Variants in TTC28 observed in about 807,000 individuals in gnomAD.
TTC28 encodes the protein tetratricopeptide repeat domain 28, also known as tetratricopeptide repeat protein 28.
TTC28 carries 61 observed loss-of-function variants against 198.0 expected under a neutral mutation model. That is an observed-to-expected ratio of 0.31 (90% CI 0.25 to 0.38). The LOEUF (loss-of-function observed/expected upper bound fraction) is 0.38, where lower values mean the gene tolerates loss of function less well. Ranked by LOEUF, TTC28 falls within the 10% of genes least tolerant of loss-of-function variation. TTC28 has a pLI of 1.00. For synonymous variants in TTC28, 1,171 were observed against 1,297.8 expected, an observed-to-expected ratio of 0.90 and a Z score of 2.10; for missense variants, 2,678 against 3,164.0, an observed-to-expected ratio of 0.85 and a Z score of 3.69.
intron 1 of TTC28, among the ~76,000 whole-genome samples, chr22:28,660,648 C>T (rs750640435): frequency 1.3e-5 from 2 of 152,146 alleles, no homozygotes; most frequent in Non-Finnish European, 2.9e-5. Flanking sequence ...CTCAACCTCC[C>T]GAGTAGCTGA....
At chr22:28,637,193 G>A (rs1341356310) in intron 1 of TTC28, among the ~76,000 whole-genome samples, 1 of 151,858 alleles carries the variant, frequency 6.6e-6, no homozygotes, top group Non-Finnish European at 1.5e-5. Context: ...TGTATTTTTA[G>A]TAGAGACAGG....
chr22:28,375,287 C>T (rs2046392888), intron 2 of TTC28, among the ~76,000 whole-genome samples: 1 of 152,128 alleles, frequency 6.6e-6, no homozygotes, highest in African/African-American at 2.4e-5. Context: ...TGCTGAAGGA[C>T]TTCATATGCA....
intron 13 of TTC28, chr22:28,028,774 C>T: frequency 3.2e-6 from 1 of 314,282 alleles, no homozygotes; most frequent in Non-Finnish European, 6.3e-6. Context: ...AGAAACCCAC[C>T]AGTTGTTCAG....
intron 12 of TTC28, among the ~76,000 whole-genome samples, chr22:28,059,234 T>C (rs1291681679): frequency 1.3e-5 from 2 of 152,050 alleles, no homozygotes; most frequent in African/African-American, 4.8e-5. Context: ...CTATGAACAT[T>C]TAAAACTATA....
chr22:28,536,022 C>A, intron 2 of TTC28, among the ~76,000 whole-genome samples: 1 of 148,316 alleles, frequency 6.7e-6, no homozygotes, highest in African/African-American at 2.5e-5. Context: ...CACGGTGAAA[C>A]CCCGTCTCTA....
At chr22:28,310,774 T>C (rs970196088) in intron 2 of TTC28, among the ~76,000 whole-genome samples, 4 of 152,072 alleles carry the variant, frequency 2.6e-5, no homozygotes, top group African/African-American at 9.7e-5. Context: ...TTTTCAAATG[T>C]TATAATTTAA....
chr22:28,272,479 T>C (rs559853987), intron 5 of TTC28, among the ~76,000 whole-genome samples: 2 of 152,146 alleles, frequency 1.3e-5, no homozygotes, highest in African/African-American at 4.8e-5. Flanking sequence ...GTCTCAGCTA[T>C]AAAATGAGGG....
At chr22:28,556,461 T>G (rs1201370810) in intron 2 of TTC28, among the ~76,000 whole-genome samples, 1 of 152,260 alleles carries the variant, frequency 6.6e-6, no homozygotes, top group African/African-American at 2.4e-5. Context: ...ATGCAGATAC[T>G]ATAGCTTCCA....
At chr22:28,541,104 G>C (rs997366591) in intron 2 of TTC28, among the ~76,000 whole-genome samples, 1 of 152,218 alleles carries the variant, frequency 6.6e-6, no homozygotes, top group Non-Finnish European at 1.5e-5. Context: ...ATGAAAACCA[G>C]TGGTGGCTTC....
chr22:28,456,714 T>A (rs2047865813), intron 2 of TTC28, among the ~76,000 whole-genome samples: 1 of 152,186 alleles, frequency 6.6e-6, no homozygotes, highest in Non-Finnish European at 1.5e-5. Context: ...TAGCTGGGAT[T>A]ACAGGCGCAT....
chr22:28,562,154 A>G (rs557463908), intron 2 of TTC28, among the ~76,000 whole-genome samples: 1 of 152,368 alleles, frequency 6.6e-6, no homozygotes, highest in South Asian at 2.1e-4. Context: ...GAATATAAGT[A>G]ATGAGGAAAA....
intron 1 of TTC28, among the ~76,000 whole-genome samples, chr22:28,659,741 G>C (rs2051712626): frequency 1.3e-5 from 2 of 151,900 alleles, no homozygotes; most frequent in South Asian, 4.2e-4. Context: ...CAGCCTGGGT[G>C]ACAGGGCCAG....
chr22:28,615,671 C>T (rs1244770101), intron 2 of TTC28, among the ~76,000 whole-genome samples: 1 of 151,910 alleles, frequency 6.6e-6, no homozygotes, highest in Non-Finnish European at 1.5e-5. Context: ...TGGAAACCAT[C>T]ATTCTCAGCA....
intron 2 of TTC28, among the ~76,000 whole-genome samples, chr22:28,459,353 C>G (rs575752037): frequency 1.3e-5 from 2 of 152,120 alleles, no homozygotes; most frequent in Admixed American, 6.5e-5. Flanking sequence ...ATCACTTGAT[C>G]CCCAGAGGCA....
At chr22:28,281,696 G>T (rs961427369) in intron 5 of TTC28, among the ~76,000 whole-genome samples, 6 of 152,134 alleles carry the variant, frequency 3.9e-5, no homozygotes, top group Non-Finnish European at 7.3e-5. Context: ...TAGAAATTTT[G>T]TTATATTATT....
At chr22:28,394,755 G>C (rs942261268) in intron 2 of TTC28, among the ~76,000 whole-genome samples, 2 of 152,110 alleles carry the variant, frequency 1.3e-5, no homozygotes, top group African/African-American at 4.8e-5. Flanking sequence ...GTGGTCTCTT[G>C]CTTTGTTTTC....
intron 2 of TTC28, among the ~76,000 whole-genome samples, chr22:28,558,425 G>T (rs1433510213): frequency 2.6e-5 from 4 of 152,208 alleles, no homozygotes; most frequent in Admixed American, 6.5e-5. Flanking sequence ...TGTAATCCCA[G>T]TACTTTGGGA....
At chr22:28,216,162 A>G (rs1027729928) in intron 5 of TTC28, among the ~76,000 whole-genome samples, 1 of 152,326 alleles carries the variant, frequency 6.6e-6, no homozygotes, top group Middle Eastern at 3.4e-3. Flanking sequence ...CAACATTTGC[A>G]GAATGAATGA....
chr22:27,987,909 A>G (rs547121987), intron 21 of TTC28, among the ~76,000 whole-genome samples: 1 of 151,952 alleles, frequency 6.6e-6, no homozygotes, highest in African/African-American at 2.4e-5. Flanking sequence ...TGATGCTTTA[A>G]ACCCACAGAA....
Sources: gnomAD v4.1 joint callset for allele counts (sites outside exome capture counted in the v4.1 genomes callset) on GRCh38, gnomAD v4.1.1 for gene constraint, MANE v1.5 for transcripts, NCBI Gene and HGNC (gene_info 2026-07-23, HGNC 2026-07-21) for gene names.